RELL1: variants seen among roughly 807,000 people sequenced by gnomAD.
The protein encoded by RELL1 is RELT-like protein 1.
RELL1 carries 10 observed loss-of-function variants against 23.0 expected under a neutral mutation model. The observed-to-expected ratio is 0.43, with a 90% CI of 0.27 to 0.74. The LOEUF (loss-of-function observed/expected upper bound fraction) is 0.74. Ranked by LOEUF, RELL1 falls within the 30% of genes least tolerant of loss-of-function variation. RELL1 has a pLI of 0.19. For synonymous variants in RELL1, 146 were observed against 146.8 expected (o/e 0.99, Z 0.04); for missense variants, 315 against 364.4 (o/e 0.86, Z 1.10).
At chr4:37,661,732 C>T (rs1721365537) in intron 1 of RELL1, among the ~76,000 whole-genome samples, 1 of 152,208 alleles carries the variant, frequency 6.6e-6, no homozygotes, top group African/African-American at 2.4e-5. Flanking sequence ...CATCTACCCA[C>T]AGTGGCAATC....
At chr4:37,651,765 G>C (rs1346948846) in intron 1 of RELL1, among the ~76,000 whole-genome samples, 1 of 152,132 alleles carries the variant, frequency 6.6e-6, no homozygotes, top group Non-Finnish European at 1.5e-5. Flanking sequence ...AAAGGCCCCA[G>C]ACCCAGCCAC....
In RELL1 at chr4:37,630,356, G is replaced by GTTTTTTTTTTTTTTT. The variant is rs59763359; in HGVS notation, c.*3+1014_*3+1028dup. On this transcript the variant is annotated intron_variant, in intron 6 of 6. Coordinates refer to ENST00000454158, the MANE Select transcript of RELL1 (RefSeq NM_001085400.2). ...CAGGGTTCTGGTGCGTGTGTGTGTG[G>GTTTTTTTTTTTTTTT]TTTTTTTTTTTTTTTTTTTTTTTTT... Among the ~76,000 whole-genome samples, 8 of 86,744 alleles carry GTTTTTTTTTTTTTTT rather than the reference G, an allele frequency of 9.2e-5. 1 individual carries two copies. Among genetic ancestry groups the GTTTTTTTTTTTTTTT allele is most frequent in the African/African-American group, 3.4e-4 (7 of 20,772 alleles). The allele number at this position is 86,744 out of a possible 152,430, so 56.9% of individuals were successfully genotyped here.
chr4:37,621,839 A>T (rs1298159099), intron 6 of RELL1, among the ~76,000 whole-genome samples: 2 of 152,244 alleles, frequency 1.3e-5, no homozygotes, highest in African/African-American at 4.8e-5. Context: ...AACAAATCAA[A>T]AATTCCTGGT....
intron 3 of RELL1, among the ~76,000 whole-genome samples, chr4:37,642,521 G>A (rs1048823641): frequency 6.6e-6 from 1 of 152,242 alleles, no homozygotes; most frequent in Non-Finnish European, 1.5e-5. Context: ...GAGTGCAGGT[G>A]TGGCATAATA....
chr4:37,612,467 C>G lies in RELL1; in HGVS notation c.*879G>C, dbSNP rs1278102477. ...CCTGACCAATATAGTGATACCCCGT[C>G]TCTACTAAAAATACAAAAATTAGTC... On this transcript the variant is annotated 3_prime_UTR_variant, in exon 7 of 7. Coordinates refer to ENST00000454158, the MANE Select transcript of RELL1 (RefSeq NM_001085400.2). 3.3e-5 allele frequency among the ~76,000 whole-genome samples: 5 copies of G among 151,752 alleles called. No individual in the cohort carries two copies. The highest frequency in any genetic ancestry group is 7.4e-5 in the Non-Finnish European group (5 of 67,942).
intron 1 of RELL1, among the ~76,000 whole-genome samples, chr4:37,672,738 C>T (rs1721873484): frequency 6.6e-6 from 1 of 151,576 alleles, no homozygotes; most frequent in African/African-American, 2.4e-5. Context: ...GTTTTCCTTC[C>T]CCCAAATCTA....
At chr4:37,647,585 C>T in intron 2 of RELL1, 146 bp from the exon 3 acceptor site, 1 of 578,422 alleles carries the variant, frequency 1.7e-6, no homozygotes, top group Non-Finnish European at 3.1e-6. Flanking sequence ...CTTTCTCCCT[C>T]CAGCCCCAAA....
downstream of RELL1, among the ~76,000 whole-genome samples, chr4:37,608,645 A>T (rs868829067): frequency 1.9e-4 from 26 of 140,074 alleles, no homozygotes; most frequent in Admixed American, 7.7e-4. Flanking sequence ...TTTTAAATTT[A>T]ATTTTTTTTT....
Position 37,647,459 on chromosome 4 carries a change from G to A in RELL1, c.314-20C>T. On this transcript the variant is annotated intron_variant, in intron 2 of 6. Transcript: ENST00000454158. Reference sequence around the variant, plus strand: ...TCAATTCTGAAAGAGAAAAGAGGAGGGGAGAACAGGTTACAATTGGTCACC... The same window carrying A: ...TCAATTCTGAAAGAGAAAAGAGGAGAGGAGAACAGGTTACAATTGGTCACC... The A allele has an allele frequency of 1.3e-6, 2 of 1,568,548 alleles. No individual in the cohort carries two copies. Among genetic ancestry groups the A allele is most frequent in the African/African-American group, 1.3e-5 (1 of 74,138 alleles).
downstream of RELL1, among the ~76,000 whole-genome samples, chr4:37,586,630 C>T (rs1560313566): frequency 6.6e-6 from 1 of 152,202 alleles, no homozygotes; most frequent in Admixed American, 6.5e-5. Context: ...ATGGAAGCAG[C>T]CGGGCATGGT....
At chr4:37,587,435 A>T (rs1718387222), downstream of RELL1, among the ~76,000 whole-genome samples, 1 of 152,124 alleles carries the variant, frequency 6.6e-6, no homozygotes, top group Non-Finnish European at 1.5e-5. Context: ...TTTTAATGTA[A>T]ATCTAGTCCC....
At chr4:37,669,171 G>C (rs1361808192) in intron 1 of RELL1, among the ~76,000 whole-genome samples, 1 of 40,358 alleles carries the variant, frequency 2.5e-5, no homozygotes, top group Admixed American at 2.0e-4. Flanking sequence ...CGCCCCGTCC[G>C]GGAGGGAGGT....
At chr4:37,680,622 C>T (rs1265747893) in intron 1 of RELL1, among the ~76,000 whole-genome samples, 2 of 152,072 alleles carry the variant, frequency 1.3e-5, no homozygotes, top group Non-Finnish European at 1.5e-5. Flanking sequence ...GTTAAAAATG[C>T]AATTAAAGAA....
At chr4:37,643,642 A>C (rs1720600173) in intron 3 of RELL1, among the ~76,000 whole-genome samples, 1 of 152,230 alleles carries the variant, frequency 6.6e-6, no homozygotes, top group Admixed American at 6.5e-5. Context: ...CCAATTTATC[A>C]AAGACAGAAA....
chr4:37,587,416 A>G (rs991075600), downstream of RELL1, among the ~76,000 whole-genome samples: 6 of 151,910 alleles, frequency 3.9e-5, no homozygotes, highest in African/African-American at 1.5e-4. Flanking sequence ...TTATTTGTGG[A>G]TTTTATTTTT....
chr4:37,639,523 A>G (rs1720451522), intron 3 of RELL1, among the ~76,000 whole-genome samples: 1 of 150,284 alleles, frequency 6.7e-6, no homozygotes, highest in South Asian at 2.1e-4. Flanking sequence ...AACAAAAGCA[A>G]AAAAAAAAAC....
At chr4:37,646,450 G>T (rs893409207) in intron 3 of RELL1, among the ~76,000 whole-genome samples, 1 of 152,176 alleles carries the variant, frequency 6.6e-6, no homozygotes, top group Non-Finnish European at 1.5e-5. Context: ...GAGGGAATGG[G>T]GAGTGGCTGC....
intron 1 of RELL1, among the ~76,000 whole-genome samples, chr4:37,662,372 T>C (rs1477461223): frequency 6.6e-6 from 1 of 151,902 alleles, no homozygotes; most frequent in African/African-American, 2.4e-5. Flanking sequence ...ACCACATAGA[T>C]TGAGAAGGGA....
chr4:37,682,384 T>A (rs1044458089), intron 1 of RELL1, among the ~76,000 whole-genome samples: 9 of 152,254 alleles, frequency 5.9e-5, no homozygotes, highest in Admixed American at 5.9e-4. Context: ...TTTATACCAA[T>A]GACAATTTAA....
Sources: allele counts gnomAD v4.1 joint callset (sites outside exome capture counted in the v4.1 genomes callset), GRCh38; gene constraint gnomAD v4.1.1; transcripts MANE v1.5; gene names NCBI Gene and HGNC (gene_info 2026-07-23, HGNC 2026-07-21).